Variants in SPOCD1 observed in about 807,000 individuals in gnomAD.
The protein encoded by SPOCD1 is SPOC domain-containing protein 1.
SPOCD1 carries 64 observed loss-of-function variants against 92.2 expected under a neutral mutation model. That is an observed-to-expected ratio of 0.69 (90% CI 0.57 to 0.86). The LOEUF (loss-of-function observed/expected upper bound fraction) is 0.86. Among genes scored for constraint, SPOCD1 ranks in the 40% least tolerant of loss-of-function variants. The probability of loss-of-function intolerance (pLI) is 0.00; values close to 1 mark genes in which losing one functional copy is unlikely to be tolerated. For synonymous variants in SPOCD1, 578 were observed against 619.3 expected (o/e 0.93, Z 0.99); for missense variants, 1,360 against 1,543.1 (o/e 0.88, Z 1.99).
rs901671433 is a variant in SPOCD1 at position 31,814,667 on chromosome 1, C to A, written c.667G>T (p.Gly223Cys). The A allele has an allele frequency of 2.6e-6, 4 of 1,555,774 alleles. No homozygotes were observed. The highest frequency in any genetic ancestry group is 2.6e-6 in the Non-Finnish European group (3 of 1,152,948). The change falls in exon 2 of 16, where the codon GGT (glycine) becomes TGT (cysteine). Residue 223 changes from glycine to cysteine, a missense_variant. Around this residue, in one of 3 missense-constraint regions of SPOCD1, gnomAD observed 606 missense variants for 601.5 expected, o/e 1.01. Coordinates refer to ENST00000360482, the MANE Select transcript of SPOCD1 (RefSeq NM_144569.7). The surrounding 1 kb of genome is among the most constrained non-coding windows in gnomAD (Gnocchi z 4.2). ...CTCTGATCAAGCCACAGGAAGTCAC[C>A]AGCCCCTTCCTCACACTCTGAATGA... is the stretch of plus-strand genomic sequence containing the variant. ...GAHSECEEGAGDFLWLDQSPR... is the reference protein window; with the variant it reads ...GAHSECEEGACDFLWLDQSPR...
chr1:31,790,607 G>A lies in SPOCD1; in HGVS notation c.3647C>T (p.Ala1216Val). Residue 1216 changes from alanine to valine, a missense_variant, in exon 16 of 16, where the codon GCC becomes GTC. By Grantham distance (64) the Ala-to-Val change is moderately conservative. This residue lies in a region of SPOCD1 where 614 missense variants were observed against 757.8 expected (regional missense o/e 0.81). Coordinates refer to ENST00000360482, the MANE Select transcript of SPOCD1 (RefSeq NM_144569.7). ...AGSECPFPRKA is the reference protein window; with the variant it reads ...AGSECPFPRKV ...TGTTCTGGTGGGTAAGGAGGGTCAGGCCTTTCTAGGGAAGGGACACTCAGA... is the reference window on the plus strand; with the variant it reads ...TGTTCTGGTGGGTAAGGAGGGTCAGACCTTTCTAGGGAAGGGACACTCAGA... The A allele has an allele frequency of 3.2e-6, 5 of 1,551,566 alleles. No homozygotes were observed. Among genetic ancestry groups the A allele is most frequent in the Non-Finnish European group, 1.7e-6 (2 of 1,146,884 alleles).
At chr1:31,799,703 G>A (rs1275855382) in intron 6 of SPOCD1, 106 bp downstream of exon 6, 36 of 1,400,754 alleles carry the variant, frequency 2.6e-5, no homozygotes, top group Non-Finnish European at 3.2e-5. Context: ...TGGGATGTGG[G>A]GAGAGAAGAA....
intron 2 of SPOCD1, among the ~76,000 whole-genome samples, chr1:31,806,794 C>T (rs1029401684): frequency 1.3e-5 from 2 of 152,048 alleles, no homozygotes; most frequent in Non-Finnish European, 2.9e-5. Flanking sequence ...ACCTCATTAT[C>T]CGCCCGCCTA....
At chr1:31,806,466 A>T (rs1266772494) in intron 2 of SPOCD1, among the ~76,000 whole-genome samples, 6 of 152,222 alleles carry the variant, frequency 3.9e-5, no homozygotes, top group Admixed American at 3.9e-4. Context: ...GCCACATTTT[A>T]AAAAGTGAAA....
rs931474134 is a variant in SPOCD1 at position 31,799,095 on chromosome 1, T to C, written c.1868+306A>G. Among the ~76,000 whole-genome samples the C allele has an allele frequency of 5.9e-5, 9 of 152,256 alleles. No individual in the cohort carries two copies. In the South Asian group the frequency reaches 1.2e-3, roughly 21 times the overall value. The stretch of plus-strand genomic sequence containing the variant: ...CAAATGACAGCTCTGGGCTCAGATC[T>C]CTGAGCCGCTCCCAGCACACACTCT... On this transcript the variant is annotated intron_variant, in intron 7 of 15. Transcript: ENST00000360482.
intron 2 of SPOCD1, among the ~76,000 whole-genome samples, chr1:31,803,995 T>C (rs970080530): frequency 1.3e-5 from 2 of 152,010 alleles, no homozygotes; most frequent in African/African-American, 4.8e-5. Context: ...TTTTTCAAAA[T>C]TGATAAAAGA....
chr1:31,815,446 G>A (rs1302368874), intron 1 of SPOCD1, 74 bp from the exon 2 acceptor site: 4 of 1,118,732 alleles, frequency 3.6e-6, no homozygotes, highest in African/African-American at 3.1e-5. Flanking sequence ...GGAACTGGGA[G>A]GAGCCCCTCT....
chr1:31,801,577 TC>T, intron 3 of SPOCD1, 86 bp downstream of exon 3: 1 of 1,253,216 alleles, frequency 8.0e-7, no homozygotes, highest in East Asian at 2.3e-5. Flanking sequence ...GGGTAGGATC[TC>T]CACATCTACT....
Position 31,791,090 on chromosome 1 carries a change from G to A in SPOCD1, c.3164C>T (p.Pro1055Leu), listed in dbSNP as rs529619946. ...KRYYQPDDRR[P>L]NVPLKGTPPP... is the part of the protein sequence containing the mutation. ...AGGGGTGCCCTTCAGGGGCACATTC[G>A]GCCTCCTGTCATCTGGCTGATAGTA... Residue 1055 changes from proline to leucine, a missense_variant, in exon 16 of 16, where the codon CCG (proline) becomes CTG (leucine). Pro to Leu is a moderately conservative substitution (Grantham distance 98). Coordinates refer to ENST00000360482, the MANE Select transcript of SPOCD1 (RefSeq NM_144569.7). 280 of 1,613,014 alleles carry A rather than the reference G, an allele frequency of 1.7e-4. 4 individuals are homozygous for A. The South Asian group carries it at 2.7e-3, about 16-fold the overall frequency.
chr1:31,796,017 C>A, intron 10 of SPOCD1: 1 of 166,444 alleles, frequency 6.0e-6, no homozygotes, highest in South Asian at 1.6e-4. Flanking sequence ...ATGTGCAAGC[C>A]AGGGCCAAGG....
At chr1:31,801,360 GC>G (rs1245522469) in intron 3 of SPOCD1, among the ~76,000 whole-genome samples, 1 of 152,152 alleles carries the variant, frequency 6.6e-6, no homozygotes, top group Non-Finnish European at 1.5e-5. Context: ...TAGGCTTTTA[GC>G]CCATTTTAAG....
At chr1:31,792,448 T>TC in intron 14 of SPOCD1, 47 bp from the exon 15 acceptor site, 2 of 1,584,770 alleles carry the variant, frequency 1.3e-6, no homozygotes, top group South Asian at 2.3e-5. Context: ...CATCCTCTGC[T>TC]CCTGCCAACA....
At chr1:31,796,286 T>A in intron 10 of SPOCD1, 1 of 461,820 alleles carries the variant, frequency 2.2e-6, no homozygotes, top group Non-Finnish European at 4.0e-6. Flanking sequence ...AGCAGAGATC[T>A]GGGCAGAATG....
intron 2 of SPOCD1, among the ~76,000 whole-genome samples, chr1:31,806,151 A>G (rs1401827863): frequency 1.3e-5 from 2 of 152,092 alleles, no homozygotes; most frequent in Non-Finnish European, 2.9e-5. Context: ...CAAATCCACC[A>G]TGAGAGCAAG....
intron 2 of SPOCD1, among the ~76,000 whole-genome samples, chr1:31,803,229 C>T (rs1312117168): frequency 4.0e-5 from 6 of 151,852 alleles, no homozygotes; most frequent in South Asian, 2.1e-4. Flanking sequence ...AAGAAGGAGA[C>T]GAACACATGA....
In SPOCD1 at chr1:31,798,774, G is replaced by C. The variant is rs1280747603; in HGVS notation, c.1869-173C>G. The C allele has an allele frequency of 6.1e-6, 4 of 659,292 alleles. No homozygotes were observed. Among genetic ancestry groups the C allele is most frequent in the Non-Finnish European group, 1.0e-5 (4 of 389,192 alleles). The allele number at this position is 659,292 out of a possible 1,614,324, so 40.8% of individuals were successfully genotyped here. ...ACCCCAACTCCGTGAGGAGGAAATA[G>C]GATCATTCTCCTTTTATGGATGGGG... On this transcript the variant is annotated intron_variant, in intron 7 of 15. Coordinates refer to ENST00000360482, the MANE Select transcript of SPOCD1 (RefSeq NM_144569.7). The surrounding 1 kb of genome is among the most constrained non-coding windows in gnomAD (Gnocchi z 4.1).
intron 12 of SPOCD1, 80 bp from the exon 13 acceptor site, chr1:31,793,508 G>C: frequency 2.6e-6 from 4 of 1,532,984 alleles, no homozygotes; most frequent in Non-Finnish European, 3.5e-6. Context: ...TTTCAGAGCA[G>C]ATCCTGTGTC....
At chr1:31,800,238 G>A in intron 4 of SPOCD1, 97 bp from the exon 5 acceptor site, 7 of 1,511,586 alleles carry the variant, frequency 4.6e-6, no homozygotes, top group Non-Finnish European at 6.2e-6. Context: ...CCCTCCTCCA[G>A]TCCACCCTGA....
At position 31,791,175 on chromosome 1, in the gene SPOCD1, T is replaced by C; in HGVS notation, c.3079A>G (p.Ser1027Gly). The C allele has an allele frequency of 6.2e-7, 1 of 1,612,520 alleles. No individual in the cohort carries two copies. Among genetic ancestry groups the C allele is most frequent in the South Asian group, 1.1e-5 (1 of 90,860 alleles). Residue 1027 changes from serine (S) to glycine (G), a missense_variant, in exon 16 of 16, where the codon AGC becomes GGC. Physicochemically the swap from Ser to Gly is moderately conservative, Grantham distance 56 (BLOSUM62 0). This residue lies in a region of SPOCD1 where 614 missense variants were observed against 757.8 expected (regional missense o/e 0.81). Coordinates refer to ENST00000360482, the MANE Select transcript of SPOCD1 (RefSeq NM_144569.7). Reference protein sequence around the residue: ...KEGLPDTAGSSPWLGKVQKMV... With the variant: ...KEGLPDTAGSGPWLGKVQKMV... ...TTTTGAACCTTCCCCAACCAGGGGC[T>C]GGACCCTGCTGTGTCTGGAAGCCCT...
Sources: allele counts gnomAD v4.1 joint callset (sites outside exome capture counted in the v4.1 genomes callset), GRCh38; gene constraint gnomAD v4.1.1; regional missense constraint gnomAD v4.1.1; non-coding constraint Gnocchi (gnomAD v3.1); transcripts MANE v1.5; gene names NCBI Gene and HGNC (gene_info 2026-07-23, HGNC 2026-07-21).